Variants in ZC3H15 observed in about 807,000 individuals in gnomAD.
The protein encoded by ZC3H15 is zinc finger CCCH domain-containing protein 15.
In ZC3H15, 15 loss-of-function variants were observed where a neutral mutation model predicts 51.2. The ratio of observed to expected loss-of-function variants is 0.29; its 90% CI spans 0.20 to 0.45. The LOEUF is 0.45. Ranked by LOEUF, ZC3H15 falls within the 20% of genes least tolerant of loss-of-function variation. The probability of loss-of-function intolerance (pLI) is 1.00; values close to 1 mark genes in which losing one functional copy is unlikely to be tolerated. For missense variants in ZC3H15, 381 were observed against 494.7 expected, an observed-to-expected ratio of 0.77 and a Z score of 2.18; for synonymous variants, 144 against 162.8, an observed-to-expected ratio of 0.88 and a Z score of 0.88.
chr2:186,497,063 T>C lies in ZC3H15; in HGVS notation c.177+1729T>C, dbSNP rs201386162. 206 of 355,056 alleles carry C rather than the reference T, an allele frequency of 5.8e-4. 1 individual carries two copies. Among genetic ancestry groups the C allele is most frequent in the Non-Finnish European group, 1.0e-3 (190 of 185,050 alleles). The allele number at this position is 355,056 out of a possible 1,614,324, so 22.0% of individuals were successfully genotyped here. A position where few individuals can be genotyped will look rare whatever the true frequency, so the allele number is the denominator to read the frequency against. On this transcript the variant is annotated intron_variant, in intron 2 of 9. Coordinates refer to ENST00000337859, the MANE Select transcript of ZC3H15 (RefSeq NM_018471.3). ...ACTCATTTGAAAAAAATGTAGCCCC[T>C]TTTTTTTTCAGGTTCTTTAGACCTC...
chr2:186,508,495 T>C, intron 9 of ZC3H15, 48 bp from the exon 10 acceptor site: 6 of 1,532,368 alleles, frequency 3.9e-6, no homozygotes, highest in Non-Finnish European at 5.4e-6. Context: ...TAATGTGGAA[T>C]GGTGTTTTCT....
intron 2 of ZC3H15, among the ~76,000 whole-genome samples, chr2:186,495,565 G>A (rs1685268427): frequency 6.6e-6 from 1 of 152,062 alleles, no homozygotes. Context: ...CTACAGTACA[G>A]GTGTGTTATA....
chr2:186,505,646 T>C (rs908583683), intron 7 of ZC3H15, 49 bp downstream of exon 7: 1 of 1,600,890 alleles, frequency 6.2e-7, no homozygotes, highest in Non-Finnish European at 8.5e-7. Flanking sequence ...CCATTTTCAA[T>C]TTCTGTGTCA....
rs545715769 is a variant in ZC3H15, at chr2:186,506,351, A to T, written c.967-362A>T. ...CTGGCCTCTGGGTTGAAAGAAAAAA[A>T]TTGTACTCTATATATAAAAATGTGA... On this transcript the variant is annotated intron_variant, in intron 8 of 9. Coordinates refer to ENST00000337859, the MANE Select transcript of ZC3H15 (RefSeq NM_018471.3). Among the ~76,000 whole-genome samples, 14 of 152,352 alleles carry T rather than the reference A, an allele frequency of 9.2e-5. No individual in the cohort carries two copies. The South Asian group carries it at 2.9e-3, about 32-fold the overall frequency.
chr2:186,501,586 A>G (rs1302003237), intron 4 of ZC3H15, among the ~76,000 whole-genome samples, 161 bp downstream of exon 4: 1 of 152,246 alleles, frequency 6.6e-6, no homozygotes, highest in East Asian at 1.9e-4. Flanking sequence ...AAATTACCAT[A>G]ATATGCCCTT....
chr2:186,494,673 G>C (rs902638592), intron 1 of ZC3H15, among the ~76,000 whole-genome samples: 5 of 152,062 alleles, frequency 3.3e-5, no homozygotes, highest in Non-Finnish European at 7.4e-5. Context: ...TTTAGAAAAA[G>C]CTTCATAGAA....
chr2:186,499,714 ATTGTT>A (rs1685345752), intron 2 of ZC3H15: 3 of 394,656 alleles, frequency 7.6e-6, no homozygotes, highest in Non-Finnish European at 1.5e-5. Context: ...TTTGTTTTGA[ATTGTT>A]TTGTTTAATA....
chr2:186,486,265 G>A lies in ZC3H15; in HGVS notation c.-118G>A. 8.3e-7 allele frequency: 1 copy of A among 1,205,792 alleles called. No individual in the cohort carries two copies. The highest frequency in any genetic ancestry group is 1.1e-6 in the Non-Finnish European group (1 of 901,266). The allele number at this position is 1,205,792 out of a possible 1,614,324, so 74.7% of individuals were successfully genotyped here. A position where few individuals can be genotyped will look rare whatever the true frequency, so the allele number is the denominator to read the frequency against. On this transcript the variant is annotated 5_prime_UTR_variant, in exon 1 of 10. Coordinates refer to ENST00000337859, the MANE Select transcript of ZC3H15 (RefSeq NM_018471.3). ...CGTTTGCGGGGCCAATGAGCGACTC[G>A]CTTTCCGTGCGGTGCGGCGAGTGAG...
In ZC3H15 at chr2:186,508,587, G is replaced by C. The variant is rs763468743; in HGVS notation, c.1135G>C (p.Glu379Gln). 3.1e-6 allele frequency: 5 copies of C among 1,614,040 alleles called. No homozygotes were observed. The Admixed American group carries it at 6.7e-5, about 22-fold the overall frequency. The change falls in exon 10 of 10, where the codon GAA (glutamate) becomes CAA (glutamine). Residue 379 changes from glutamate (E) to glutamine (Q), a missense_variant. By Grantham distance (29) the Glu-to-Gln change is conservative (BLOSUM62 2). Coordinates refer to ENST00000337859, the MANE Select transcript of ZC3H15 (RefSeq NM_018471.3). ...TTCTGGAGGTAGGGCTGAAAATGGTGAAAGAAGTGACTTGGAAGAGGACAA... is the reference window on the plus strand; with the variant it reads ...TTCTGGAGGTAGGGCTGAAAATGGTCAAAGAAGTGACTTGGAAGAGGACAA... The part of the protein sequence containing the change: ...EASGGRAENG[E>Q]RSDLEEDNER...
At chr2:186,489,568 T>A (rs1685161720) in intron 1 of ZC3H15, among the ~76,000 whole-genome samples, 1 of 152,224 alleles carries the variant, frequency 6.6e-6, no homozygotes, top group Admixed American at 6.5e-5. Flanking sequence ...AATTCTAAAT[T>A]GCTCAAAATT....
At chr2:186,495,471 T>C (rs535183472) in intron 2 of ZC3H15, 137 bp downstream of exon 2, 1 of 563,210 alleles carries the variant, frequency 1.8e-6, no homozygotes, top group South Asian at 3.6e-5. Flanking sequence ...CACCTTGGCC[T>C]TCCTTACCAG....
intron 2 of ZC3H15, among the ~76,000 whole-genome samples, chr2:186,497,638 A>C (rs569116398): frequency 6.6e-6 from 1 of 152,142 alleles, no homozygotes; most frequent in East Asian, 1.9e-4. Context: ...GTGAATATAG[A>C]TATCAATATG....
chr2:186,503,450 C>T (rs937796754), intron 5 of ZC3H15, among the ~76,000 whole-genome samples: 1 of 152,166 alleles, frequency 6.6e-6, no homozygotes, highest in Non-Finnish European at 1.5e-5. Context: ...AATCTTAGCT[C>T]ACTGCAACCT....
chr2:186,490,155 T>C (rs563572986), intron 1 of ZC3H15, among the ~76,000 whole-genome samples: 7 of 152,218 alleles, frequency 4.6e-5, no homozygotes, highest in Non-Finnish European at 8.8e-5. Flanking sequence ...TGAATTCATT[T>C]GTATTAATAC....
At chr2:186,502,055 A>G (rs183142900) in intron 4 of ZC3H15, among the ~76,000 whole-genome samples, 340 of 151,898 alleles carry the variant, frequency 2.2e-3, no homozygotes, top group Admixed American at 4.5e-3. Context: ...TGGTGTTTTA[A>G]GAAAACCGTG....
rs946033627 is a variant in ZC3H15 at position 186,491,973 on chromosome 2, G to T, written c.76-3260G>T. Reference sequence around the variant, plus strand: ...ATTTTTTTTTTCTTCTTCTGGGATCGGGAGTTTATACACCTTTACCAGAAA... The same window carrying T: ...ATTTTTTTTTTCTTCTTCTGGGATCTGGAGTTTATACACCTTTACCAGAAA... On this transcript the variant is annotated intron_variant, in intron 1 of 9. Coordinates refer to ENST00000337859, the MANE Select transcript of ZC3H15 (RefSeq NM_018471.3). 1.5e-4 allele frequency among the ~76,000 whole-genome samples: 23 copies of T among 151,948 alleles called. No individual in the cohort carries two copies. In the South Asian group the frequency reaches 4.8e-3, roughly 32 times the overall value.
In ZC3H15 at chr2:186,501,298, T is replaced by C. The variant is rs1685380069; in HGVS notation, c.315T>C (p.Cys105=). The C allele has an allele frequency of 6.2e-7, 1 of 1,611,302 alleles. No homozygotes were observed. Among genetic ancestry groups the C allele is most frequent in the Non-Finnish European group, 8.5e-7 (1 of 1,178,778 alleles). ...SKGADPKSVV[C]AFFKQGQCTK... ...GTGCAGATCCCAAGTCTGTAGTATG[T>C]GCATTCTTCAAGCAAGGACAGTGTA... Residue 105 remains cysteine, a synonymous_variant, in exon 4 of 10, where the codon TGT becomes TGC. Coordinates refer to ENST00000337859, the MANE Select transcript of ZC3H15 (RefSeq NM_018471.3).
chr2:186,505,738 A>C lies in ZC3H15; in HGVS notation c.865-2A>C. 1 of 1,613,918 alleles carries C rather than the reference A, an allele frequency of 6.2e-7. No homozygotes were observed. The highest frequency in any genetic ancestry group is 8.5e-7 in the Non-Finnish European group (1 of 1,179,842). ...AGTTGATATATTTGTGTGTCTCAAT[A>C]GATCAGTGGTCGTGAAGTGTTTGAA... On this transcript the variant is annotated splice_acceptor_variant, in intron 7 of 9. Transcript: ENST00000337859. LOFTEE classifies it high-confidence loss of function.
At chr2:186,500,340 A>T (rs1472555225) in intron 3 of ZC3H15, 47 bp downstream of exon 3, 3 of 1,421,940 alleles carry the variant, frequency 2.1e-6, no homozygotes, top group Non-Finnish European at 2.9e-6. Flanking sequence ...AATGTAGTTT[A>T]TGCTAAAAAC....
Sources: allele counts gnomAD v4.1 joint callset (sites outside exome capture counted in the v4.1 genomes callset), GRCh38; gene constraint gnomAD v4.1.1; transcripts MANE v1.5; gene names NCBI Gene and HGNC (gene_info 2026-07-23, HGNC 2026-07-21).